The following BACH2 variants were observed in gnomAD, a reference collection of about 807,000 sequenced individuals.
BACH2 encodes the protein transcription regulator protein BACH2.
Under a neutral mutation model 61.8 loss-of-function variants are expected in BACH2, and 5 were observed. The observed-to-expected ratio is 0.08, with a 90% CI of 0.04 to 0.17. BACH2 has a LOEUF of 0.17. BACH2 is among the 10% of genes least tolerant of loss of function. The pLI is 1.00. For missense variants in BACH2, 824 were observed against 1,091.1 expected (o/e 0.76, Z 3.45); for synonymous variants, 446 against 440.1 (o/e 1.01, Z -0.17).
chr6:90,242,047 A>C (rs1051028424), intron 3 of BACH2, among the ~76,000 whole-genome samples: 1 of 152,108 alleles, frequency 6.6e-6, no homozygotes, highest in African/African-American at 2.4e-5. Context: ...ATCTTGCACA[A>C]GTATGGTACA....
rs1562365098 is a variant in BACH2, at chr6:90,008,940, GAAC to G, written c.-12-87_-12-85del. 8 of 1,490,398 alleles carry G rather than the reference GAAC, an allele frequency of 5.4e-6. No individual in the cohort carries two copies. Among genetic ancestry groups the G allele is most frequent in the Non-Finnish European group, 5.4e-6 (6 of 1,109,880 alleles). The allele number at this position is 1,490,398 out of a possible 1,614,324, so 92.3% of individuals were successfully genotyped here. A position where few individuals can be genotyped will look rare whatever the true frequency, so the allele number is the denominator to read the frequency against. Reference sequence around the variant, plus strand: ...AGGATCAGAGAGAGGAGGTGAGAAAGAACATCATGGTTCCTGTGTCCCACTGCC... The same window carrying G: ...AGGATCAGAGAGAGGAGGTGAGAAAGATCATGGTTCCTGTGTCCCACTGCC... On this transcript the variant is annotated intron_variant, in intron 5 of 8. Coordinates refer to ENST00000257749, the MANE Select transcript of BACH2 (RefSeq NM_021813.4). The surrounding 1 kb of genome is among the most constrained non-coding windows in gnomAD (Gnocchi z 4.1).
intron 4 of BACH2, among the ~76,000 whole-genome samples, chr6:90,193,168 T>C (rs1365334990): frequency 6.6e-6 from 1 of 152,226 alleles, no homozygotes; most frequent in Non-Finnish European, 1.5e-5. Context: ...AATTGCAAGA[T>C]GGTGTTACAG....
intron 5 of BACH2, among the ~76,000 whole-genome samples, chr6:90,026,696 G>T (rs982057378): frequency 6.6e-6 from 1 of 152,124 alleles, no homozygotes; most frequent in Non-Finnish European, 1.5e-5. Context: ...GCCTGCCCCA[G>T]CTCCTAAGAG....
intron 2 of BACH2, among the ~76,000 whole-genome samples, 188 bp from the exon 3 acceptor site, chr6:90,252,778 T>C (rs1223148660): frequency 6.6e-6 from 1 of 152,200 alleles, no homozygotes; most frequent in Admixed American, 6.5e-5. Flanking sequence ...TATAGTCAAG[T>C]TTACTAGGCT....
At chr6:90,050,786 T>C (rs1012769801) in intron 5 of BACH2, among the ~76,000 whole-genome samples, 5 of 151,922 alleles carry the variant, frequency 3.3e-5, no homozygotes, top group Admixed American at 6.6e-5. Flanking sequence ...TTTTTTTTTT[T>C]TGAGATGGAA....
intron 4 of BACH2, among the ~76,000 whole-genome samples, chr6:90,138,269 G>A (rs1260216888): frequency 1.3e-5 from 2 of 152,202 alleles, no homozygotes; most frequent in African/African-American, 2.4e-5. Flanking sequence ...TTGGGAGGTC[G>A]AGGCGGGTGG....
chr6:90,233,252 C>G (rs1263823915), intron 3 of BACH2, among the ~76,000 whole-genome samples: 1 of 152,202 alleles, frequency 6.6e-6, no homozygotes, highest in Non-Finnish European at 1.5e-5. Flanking sequence ...CCAGAAGACA[C>G]ATAAGTTCCC....
At chr6:89,940,711 A>C (rs1773372570) in intron 7 of BACH2, among the ~76,000 whole-genome samples, 1 of 152,224 alleles carries the variant, frequency 6.6e-6, no homozygotes, top group Non-Finnish European at 1.5e-5. Context: ...TACATTTGTG[A>C]TTTTAAATTT....
chr6:89,932,864 T>C lies in BACH2; in HGVS notation c.2070A>G (p.Ser690=). 6.3e-7 allele frequency: 1 copy of C among 1,599,444 alleles called. No individual in the cohort carries two copies. Among genetic ancestry groups the C allele is most frequent in the Non-Finnish European group, 8.6e-7 (1 of 1,168,958 alleles). The stretch of plus-strand genomic sequence containing the variant: ...TGCATGCTTTCAGTTGATTCCTCTC[T>C]GACAACAGTTTCTCTTTCTCACACA... ...KLVCEKEKLL[S]ERNQLKACMG... Residue 690 remains serine, a synonymous_variant, in exon 9 of 9, where the codon TCA becomes TCG. Coordinates refer to ENST00000257749, the MANE Select transcript of BACH2 (RefSeq NM_021813.4).
intron 4 of BACH2, among the ~76,000 whole-genome samples, chr6:90,167,921 T>C (rs1767684549): frequency 6.6e-6 from 1 of 152,224 alleles, no homozygotes; most frequent in Admixed American, 6.5e-5. Context: ...TCTCTCTCCC[T>C]GTATTTTACA....
intron 6 of BACH2, among the ~76,000 whole-genome samples, chr6:89,982,790 G>C (rs1326907507): frequency 6.6e-6 from 1 of 152,106 alleles, no homozygotes; most frequent in African/African-American, 2.4e-5. Context: ...CTTAATCAAG[G>C]TTACAGAGCC....
At chr6:89,941,313 G>C (rs1187295672) in intron 7 of BACH2, among the ~76,000 whole-genome samples, 1 of 152,194 alleles carries the variant, frequency 6.6e-6, no homozygotes, top group African/African-American at 2.4e-5. Flanking sequence ...CTCTTTGTCA[G>C]GTTCCATCAC....
chr6:89,958,787 A>C (rs1774569101), intron 6 of BACH2, among the ~76,000 whole-genome samples: 1 of 152,122 alleles, frequency 6.6e-6, no homozygotes, highest in Admixed American at 6.5e-5. Context: ...AATAAGTAAA[A>C]GAAAGGCATG....
At chr6:90,180,890 CAT>C (rs34373405) in intron 4 of BACH2, among the ~76,000 whole-genome samples, 5 of 151,496 alleles carry the variant, frequency 3.3e-5, no homozygotes, top group Admixed American at 3.3e-4. Flanking sequence ...CACACACACA[CAT>C]TCCTCACATG....
At chr6:89,973,647 T>C (rs1192701336) in intron 6 of BACH2, among the ~76,000 whole-genome samples, 7 of 152,130 alleles carry the variant, frequency 4.6e-5, no homozygotes, top group Non-Finnish European at 1.0e-4. Flanking sequence ...TCACAGGTTT[T>C]TGGGGATAAG....
intron 4 of BACH2, among the ~76,000 whole-genome samples, chr6:90,140,265 A>G (rs1193026583): frequency 6.6e-6 from 1 of 152,226 alleles, no homozygotes; most frequent in Non-Finnish European, 1.5e-5. Flanking sequence ...TAGCAGCTCA[A>G]CTATACAAGG....
chr6:89,952,477 A>C (rs1774187910), intron 6 of BACH2, among the ~76,000 whole-genome samples: 1 of 152,174 alleles, frequency 6.6e-6, no homozygotes, highest in African/African-American at 2.4e-5. Flanking sequence ...GATGATGATG[A>C]TCTCATTATC....
intron 6 of BACH2, among the ~76,000 whole-genome samples, chr6:89,979,166 C>T (rs913871979): frequency 2.0e-5 from 3 of 152,180 alleles, no homozygotes; most frequent in Non-Finnish European, 4.4e-5. Context: ...GAATTTCTTT[C>T]TCCAATGATA....
intron 4 of BACH2, among the ~76,000 whole-genome samples, chr6:90,133,957 T>C (rs1784187551): frequency 6.6e-6 from 1 of 152,320 alleles, no homozygotes; most frequent in African/African-American, 2.4e-5. Context: ...GACATTTGGG[T>C]TGGTTCAAAG....
Sources: allele counts gnomAD v4.1 joint callset (sites outside exome capture counted in the v4.1 genomes callset), GRCh38; gene constraint gnomAD v4.1.1; non-coding constraint Gnocchi (gnomAD v3.1); transcripts MANE v1.5; gene names NCBI Gene and HGNC (gene_info 2026-07-23, HGNC 2026-07-21).